The following NCBP3 variants were observed in gnomAD, a reference collection of about 807,000 sequenced individuals.
The protein encoded by NCBP3 is nuclear cap-binding protein subunit 3.
NCBP3 carries 20 observed loss-of-function variants against 75.7 expected under a neutral mutation model. That is an observed-to-expected ratio of 0.26 (90% CI 0.19 to 0.38). The LOEUF is 0.38. Ranked by LOEUF, NCBP3 falls within the 10% of genes least tolerant of loss-of-function variation. The pLI is 1.00. For missense variants in NCBP3, 678 were observed against 796.9 expected, an observed-to-expected ratio of 0.85 and a Z score of 1.80; for synonymous variants, 293 against 290.5, an observed-to-expected ratio of 1.01 and a Z score of -0.09.
intron 7 of NCBP3, chr17:3,822,841 C>T (rs1255449350): frequency 6.6e-6 from 1 of 152,220 alleles, no homozygotes; most frequent in Admixed American, 6.5e-5. Flanking sequence ...CCATGCCCAC[C>T]AGCTCCTTGG....
At chr17:3,829,642 A>G (rs1239917796) in intron 3 of NCBP3, among the ~76,000 whole-genome samples, 1 of 152,236 alleles carries the variant, frequency 6.6e-6, no homozygotes, top group Non-Finnish European at 1.5e-5. Flanking sequence ...CTCTCCCCAC[A>G]TTAATCTGTA....
Position 3,821,257 on chromosome 17 carries a change from C to T in NCBP3, c.992G>A (p.Arg331Gln), listed in dbSNP as rs1162602262. The change falls in exon 9 of 13, where the codon CGA becomes CAA. Residue 331 changes from arginine to glutamine, a missense_variant. Coordinates refer to ENST00000389005, the MANE Select transcript of NCBP3 (RefSeq NM_001114118.3). ...GCTGAGCAGGCAACTACCAGAATGTCGATGTTTATACGACGTCAAGCCAAC... is the reference window on the plus strand; with the variant it reads ...GCTGAGCAGGCAACTACCAGAATGTTGATGTTTATACGACGTCAAGCCAAC... The part of the protein sequence containing the change: ...DDVGLTSYKH[R>Q]HSGLVNVPEE... 6 of 1,612,746 alleles carry T rather than the reference C, an allele frequency of 3.7e-6. No individual in the cohort carries two copies. In the African/African-American group the frequency reaches 4.0e-5, roughly 11 times the overall value.
At chr17:3,821,415 ATTTC>A (rs2053662889) in intron 8 of NCBP3, 63 bp from the exon 9 acceptor site, 1 of 1,289,860 alleles carries the variant, frequency 7.8e-7, no homozygotes, top group Non-Finnish European at 1.1e-6. Context: ...GAAATCCACT[ATTTC>A]TTTCTCTTTT....
rs569314852 is a variant in NCBP3, at chr17:3,803,858, A to C, written c.*9186T>G. The C allele has an allele frequency of 4.6e-5, 7 of 150,790 alleles. No homozygotes were observed. The highest frequency in any genetic ancestry group is 1.3e-4 in the Admixed American group (2 of 15,190). The allele number at this position is 150,790 out of a possible 1,614,324, so 9.3% of individuals were successfully genotyped here. On this transcript the variant is annotated 3_prime_UTR_variant, in exon 13 of 13. Transcript: ENST00000389005. The stretch of plus-strand genomic sequence containing the variant: ...TGGGAGGCCGAGGCGGGCGGATCAC[A>C]AAGTCAGGAGATCGAGACCATCCTG...
chr17:3,843,022 G>C (rs1340544836), intron 2 of NCBP3, 64 bp downstream of exon 2: 2 of 1,229,922 alleles, frequency 1.6e-6, no homozygotes, highest in African/African-American at 1.5e-5. Context: ...TTATGTCCTA[G>C]GGATCAAATT....
intron 3 of NCBP3, 24 bp downstream of exon 3, chr17:3,840,076 A>G (rs1310665230): frequency 5.9e-6 from 9 of 1,535,888 alleles, no homozygotes; most frequent in Admixed American, 2.0e-5. Context: ...AATGTGGACA[A>G]ATTTCCCACA....
rs2053301754 is a variant in NCBP3 at position 3,803,660 on chromosome 17, T to A, written c.*9384A>T. 1 of 152,196 alleles carries A rather than the reference T, an allele frequency of 6.6e-6. No homozygotes were observed. Among genetic ancestry groups the A allele is most frequent in the African/African-American group, 2.4e-5 (1 of 41,446 alleles). 9.4% of individuals were successfully genotyped at this position (152,196 alleles called of 1,614,324 possible). ...GAATGAAAGAGAAAATGTGGCAAAA[T>A]GTTCTTTGTTGTACCCTTCAAACTG... On this transcript the variant is annotated 3_prime_UTR_variant, in exon 13 of 13. Transcript: ENST00000389005.
intron 3 of NCBP3, among the ~76,000 whole-genome samples, chr17:3,838,387 A>G (rs1214143368): frequency 1.3e-5 from 2 of 152,256 alleles, no homozygotes; most frequent in Admixed American, 6.5e-5. Context: ...ACTCACAGGT[A>G]TGCTTGCGCC....
intron 3 of NCBP3, among the ~76,000 whole-genome samples, chr17:3,836,103 C>T (rs1298906495): frequency 6.6e-6 from 1 of 152,220 alleles, no homozygotes; most frequent in Non-Finnish European, 1.5e-5. Flanking sequence ...AAGCACTTAA[C>T]ACACGTTATC....
chr17:3,819,582 C>T (rs921481692), intron 9 of NCBP3, among the ~76,000 whole-genome samples: 11 of 150,266 alleles, frequency 7.3e-5, no homozygotes, highest in African/African-American at 2.7e-4. Context: ...AAGAGAGAAA[C>T]ATATGTAAAA....
At chr17:3,835,859 G>A (rs1597411332) in intron 3 of NCBP3, among the ~76,000 whole-genome samples, 1 of 152,338 alleles carries the variant, frequency 6.6e-6, no homozygotes, top group East Asian at 1.9e-4. Flanking sequence ...AGTCCAGTGT[G>A]CCACAGCCCA....
intron 4 of NCBP3, among the ~76,000 whole-genome samples, chr17:3,828,868 A>G (rs920784355): frequency 6.6e-6 from 1 of 152,198 alleles, no homozygotes; most frequent in African/African-American, 2.4e-5. Flanking sequence ...ACAGTACAGA[A>G]GGCAGTAATG....
At chr17:3,843,046 T>G in intron 2 of NCBP3, 40 bp downstream of exon 2, 1 of 1,433,354 alleles carries the variant, frequency 7.0e-7, no homozygotes, top group Non-Finnish European at 9.6e-7. Flanking sequence ...TAAGTTCACT[T>G]GCTTATCAAG....
chr17:3,802,715 C>CT lies in NCBP3; in HGVS notation c.*10328_*10329insA, dbSNP rs2053284995. The CT allele has an allele frequency of 6.6e-6, 1 of 152,266 alleles. No individual in the cohort carries two copies. Among genetic ancestry groups the CT allele is most frequent in the East Asian group, 1.9e-4 (1 of 5,194 alleles). The allele number at this position is 152,266 out of a possible 1,614,324, so 9.4% of individuals were successfully genotyped here. A position where few individuals can be genotyped will look rare whatever the true frequency, so the allele number is the denominator to read the frequency against. ...GAGAGTCACAGTGGTCTCCTCTCCCCCGCATTGGCCTAAAGCAGGAAGAGA... is the reference window on the plus strand; with the variant it reads ...GAGAGTCACAGTGGTCTCCTCTCCCCTCGCATTGGCCTAAAGCAGGAAGAGA... On this transcript the variant is annotated 3_prime_UTR_variant, in exon 13 of 13. Transcript: ENST00000389005.
At chr17:3,834,717 C>T (rs1050367352) in intron 3 of NCBP3, among the ~76,000 whole-genome samples, 1 of 152,090 alleles carries the variant, frequency 6.6e-6, no homozygotes, top group African/African-American at 2.4e-5. Context: ...CAAGACCACC[C>T]TGGGCAACAC....
chr17:3,829,394 T>G lies in NCBP3; in HGVS notation c.356-26A>C, dbSNP rs1567590186. On this transcript the variant is annotated intron_variant, in intron 3 of 12. Transcript: ENST00000389005. Reference sequence around the variant, plus strand: ...CTAGAAAGACAAGACACAGAAAAGATGATAGAATTTTCCTGTCCGCAACTG... The same window carrying G: ...CTAGAAAGACAAGACACAGAAAAGAGGATAGAATTTTCCTGTCCGCAACTG... 6 of 1,549,510 alleles carry G rather than the reference T, an allele frequency of 3.9e-6. No homozygotes were observed. In the African/African-American group the frequency reaches 8.2e-5, roughly 21 times the overall value.
chr17:3,818,192 G>A lies in NCBP3; in HGVS notation c.1310+71C>T. On this transcript the variant is annotated intron_variant, in intron 10 of 12. Coordinates refer to ENST00000389005, the MANE Select transcript of NCBP3 (RefSeq NM_001114118.3). This position sits in a 1 kb window ranked among gnomAD's most constrained non-coding sequence, Gnocchi z 4.7. The stretch of plus-strand genomic sequence containing the variant: ...ATAGATAAAAGATATTATAAAATTA[G>A]GAGGAATTAAGAAGTTATACTAGTA... 8.8e-7 allele frequency: 1 copy of A among 1,135,734 alleles called. No homozygotes were observed. The highest frequency in any genetic ancestry group is 2.5e-5 in the East Asian group (1 of 39,338). 70.4% of individuals were successfully genotyped at this position (1,135,734 alleles called of 1,614,324 possible).
chr17:3,829,515 G>T, intron 3 of NCBP3, 147 bp from the exon 4 acceptor site: 1 of 888,038 alleles, frequency 1.1e-6, no homozygotes. Context: ...AAGAGCACGA[G>T]ACATAACAGT....
rs1382619721 is a variant in NCBP3 at position 3,812,728 on chromosome 17, A to G, written c.*316T>C. On this transcript the variant is annotated 3_prime_UTR_variant, in exon 13 of 13. Transcript: ENST00000389005. ...ATGAACTGTGTAAAACATTTCTTTT[A>G]AAAGACACAATGTTAAAAATATTAA... 5 of 1,169,800 alleles carry G rather than the reference A, an allele frequency of 4.3e-6. No individual in the cohort carries two copies. In the African/African-American group the frequency reaches 6.3e-5, roughly 15 times the overall value. The allele number at this position is 1,169,800 out of a possible 1,614,324, so 72.5% of individuals were successfully genotyped here. A position where few individuals can be genotyped will look rare whatever the true frequency, so the allele number is the denominator to read the frequency against.
Sources: allele counts gnomAD v4.1 joint callset (sites outside exome capture counted in the v4.1 genomes callset), GRCh38; gene constraint gnomAD v4.1.1; non-coding constraint Gnocchi (gnomAD v3.1); transcripts MANE v1.5; gene names NCBI Gene and HGNC (gene_info 2026-07-23, HGNC 2026-07-21).